ULK4: variants seen among roughly 807,000 people sequenced by gnomAD.
ULK4 encodes the protein unc-51 like kinase 4.
In ULK4, 133 loss-of-function variants were observed where a neutral mutation model predicts 160.6. The ratio of observed to expected loss-of-function variants is 0.83; its 90% CI spans 0.72 to 0.96. The LOEUF is 0.96. Among genes scored for constraint, ULK4 ranks in the 40% least tolerant of loss-of-function variants. ULK4 has a pLI of 0.00. For missense variants in ULK4, 1,580 were observed against 1,499.5 expected (o/e 1.05, Z -0.89); for synonymous variants, 534 against 539.8 (o/e 0.99, Z 0.15).
rs535683121 is a variant in ULK4, at chr3:41,673,004, A to C, written c.2978+8504T>G. ...AGGCACACATCACCATGCCCAGCTA[A>C]TTTTTTCTAATTTTTTGTAGAGACA... On this transcript the variant is annotated intron_variant, in intron 29 of 36. Coordinates refer to ENST00000301831, the MANE Select transcript of ULK4 (RefSeq NM_017886.4). Among the ~76,000 whole-genome samples, 3 of 151,730 alleles carry C rather than the reference A, an allele frequency of 2.0e-5. No individual in the cohort carries two copies. In the East Asian group the frequency reaches 5.8e-4, roughly 29 times the overall value.
intron 31 of ULK4, among the ~76,000 whole-genome samples, chr3:41,589,675 A>C (rs1448668055): frequency 6.6e-6 from 1 of 152,200 alleles, no homozygotes; most frequent in Non-Finnish European, 1.5e-5. Flanking sequence ...CTTTAAAGCA[A>C]ACCCCTAAAA....
chr3:41,506,613 TTC>T (rs979096313), intron 32 of ULK4, among the ~76,000 whole-genome samples: 1 of 151,344 alleles, frequency 6.6e-6, no homozygotes, highest in African/African-American at 2.4e-5. Context: ...TAACATCAAC[TTC>T]TCTGTTTATT....
intron 31 of ULK4, among the ~76,000 whole-genome samples, chr3:41,599,452 T>A (rs1358627070): frequency 6.6e-6 from 1 of 152,156 alleles, no homozygotes; most frequent in Non-Finnish European, 1.5e-5. Flanking sequence ...CATGGACATC[T>A]TGGAAGGTGG....
chr3:41,525,053 G>A (rs1348564777), intron 32 of ULK4, among the ~76,000 whole-genome samples: 1 of 152,180 alleles, frequency 6.6e-6, no homozygotes, highest in Non-Finnish European at 1.5e-5. Context: ...CATTCTGGAA[G>A]CTATAACAGG....
At chr3:41,720,026 A>G (rs2037396804) in intron 22 of ULK4, among the ~76,000 whole-genome samples, 2 of 152,100 alleles carry the variant, frequency 1.3e-5, no homozygotes, top group Admixed American at 1.3e-4. Context: ...TCATATGCAT[A>G]TTTCATAACT....
intron 18 of ULK4, among the ~76,000 whole-genome samples, chr3:41,824,639 G>A (rs1286961848): frequency 1.3e-5 from 2 of 152,296 alleles, no homozygotes; most frequent in East Asian, 3.9e-4. Flanking sequence ...CCATTGCCGA[G>A]GCTTGAGTAG....
At chr3:41,296,301 C>G (rs571041376) in intron 35 of ULK4, among the ~76,000 whole-genome samples, 23 of 152,082 alleles carry the variant, frequency 1.5e-4, no homozygotes, top group African/African-American at 5.6e-4. Flanking sequence ...ATTAAAAATA[C>G]GTACCTCGGT....
intron 27 of ULK4, among the ~76,000 whole-genome samples, chr3:41,693,501 T>A (rs545475009): frequency 6.6e-6 from 1 of 152,174 alleles, no homozygotes; most frequent in Non-Finnish European, 1.5e-5. Flanking sequence ...CTCTAAGAAC[T>A]GATATGGAGT....
chr3:41,694,332 G>A (rs908411121), intron 27 of ULK4, among the ~76,000 whole-genome samples: 3 of 152,188 alleles, frequency 2.0e-5, no homozygotes, highest in African/African-American at 7.2e-5. Context: ...AGAACAATGT[G>A]TCCACACATA....
At chr3:41,843,556 C>T (rs933333525) in intron 17 of ULK4, among the ~76,000 whole-genome samples, 2 of 151,982 alleles carry the variant, frequency 1.3e-5, no homozygotes, top group Non-Finnish European at 2.9e-5. Flanking sequence ...TGTTACAGCT[C>T]TTAAGGCAGT....
chr3:41,924,494 C>T (rs1394179061), intron 5 of ULK4, among the ~76,000 whole-genome samples: 1 of 152,184 alleles, frequency 6.6e-6, no homozygotes, highest in Non-Finnish European at 1.5e-5. Context: ...AGCATCACTG[C>T]TAGAATGTCT....
intron 36 of ULK4, among the ~76,000 whole-genome samples, chr3:41,247,801 G>C (rs1022298693): frequency 4.6e-5 from 7 of 152,234 alleles, no homozygotes; most frequent in African/African-American, 1.7e-4. Context: ...CACACAGCAG[G>C]CCCAGTGAGG....
chr3:41,747,251 C>G (rs562259854), intron 22 of ULK4, among the ~76,000 whole-genome samples: 1 of 151,890 alleles, frequency 6.6e-6, no homozygotes, highest in Non-Finnish European at 1.5e-5. Flanking sequence ...AACCGTATAT[C>G]TGACAGTGGA....
chr3:41,537,484 A>G (rs1303333903), intron 32 of ULK4, among the ~76,000 whole-genome samples: 2 of 152,164 alleles, frequency 1.3e-5, no homozygotes, highest in African/African-American at 4.8e-5. Context: ...AAAGCCTGTA[A>G]TGAGTCCTAA....
At chr3:41,825,468 G>A (rs1239441918) in intron 18 of ULK4, among the ~76,000 whole-genome samples, 2 of 152,216 alleles carry the variant, frequency 1.3e-5, no homozygotes, top group African/African-American at 4.8e-5. Flanking sequence ...AGTCCTTAAA[G>A]GACCTGATGG....
chr3:41,445,322 C>T (rs895780149), intron 34 of ULK4, among the ~76,000 whole-genome samples: 3 of 152,146 alleles, frequency 2.0e-5, no homozygotes, highest in South Asian at 2.1e-4. Flanking sequence ...AGATTCAATG[C>T]CATCCCCATC....
chr3:41,279,329 C>T (rs1312859738), intron 35 of ULK4, among the ~76,000 whole-genome samples: 3 of 148,544 alleles, frequency 2.0e-5, no homozygotes, highest in Non-Finnish European at 3.0e-5. Flanking sequence ...ACCAAATCTA[C>T]GTTTGATTGA....
intron 32 of ULK4, among the ~76,000 whole-genome samples, chr3:41,512,035 A>G (rs1559663037): frequency 6.6e-6 from 1 of 152,206 alleles, no homozygotes. Flanking sequence ...AAATCAGACT[A>G]TCATCTCAAT....
At chr3:41,551,518 A>T (rs1174843056) in intron 32 of ULK4, among the ~76,000 whole-genome samples, 5 of 151,968 alleles carry the variant, frequency 3.3e-5, no homozygotes, top group African/African-American at 1.2e-4. Flanking sequence ...TGGAAAACCT[A>T]GAGAAAATAG....
Sources: gnomAD v4.1 joint callset for allele counts (sites outside exome capture counted in the v4.1 genomes callset) on GRCh38, gnomAD v4.1.1 for gene constraint, MANE v1.5 for transcripts, NCBI Gene and HGNC (gene_info 2026-07-23, HGNC 2026-07-21) for gene names.